ATXN1: variants seen among roughly 807,000 people sequenced by gnomAD.
ATXN1 encodes ataxin-1.
ATXN1 carries 8 observed loss-of-function variants against 56.4 expected under a neutral mutation model. The observed-to-expected ratio is 0.14, with a 90% CI of 0.08 to 0.26. ATXN1 has a LOEUF of 0.26. Ranked by LOEUF, ATXN1 falls within the 10% of genes least tolerant of loss-of-function variation. The probability of loss-of-function intolerance (pLI) is 1.00; values close to 1 mark genes in which losing one functional copy is unlikely to be tolerated. For synonymous variants in ATXN1, 514 were observed against 494.6 expected, an observed-to-expected ratio of 1.04 and a Z score of -0.52; for missense variants, 987 against 1,106.5, an observed-to-expected ratio of 0.89 and a Z score of 1.53.
chr6:16,503,921 A>G (rs1760931687), intron 5 of ATXN1, among the ~76,000 whole-genome samples: 1 of 152,184 alleles, frequency 6.6e-6, no homozygotes, highest in Admixed American at 6.5e-5. Context: ...CACAACCATT[A>G]CCACCATCCA....
chr6:16,466,928 G>A (rs559788169), intron 6 of ATXN1, among the ~76,000 whole-genome samples: 2 of 152,156 alleles, frequency 1.3e-5, no homozygotes, highest in East Asian at 1.9e-4. Flanking sequence ...TTCCAATAAC[G>A]TCTTCCTCGC....
intron 6 of ATXN1, among the ~76,000 whole-genome samples, chr6:16,428,691 T>G (rs1283455208): frequency 1.3e-5 from 2 of 152,084 alleles, no homozygotes; most frequent in African/African-American, 4.8e-5. Context: ...AGAGGGAGAT[T>G]TGAACCCAGG....
chr6:16,687,657 T>TACACACACACACACACACAC (rs57034032), intron 2 of ATXN1, among the ~76,000 whole-genome samples: 153 of 143,386 alleles, frequency 1.1e-3, no homozygotes, highest in African/African-American at 3.1e-3. Context: ...AAAGAAGAAA[T>TACACACACACACACACACAC]ACACACACAC....
At chr6:16,335,337 G>A (rs1170156628) in intron 6 of ATXN1, among the ~76,000 whole-genome samples, 19 of 152,238 alleles carry the variant, frequency 1.2e-4, no homozygotes, top group Non-Finnish European at 2.9e-5. Flanking sequence ...GAAACCACCA[G>A]AGAGGCGAGC....
At chr6:16,322,466 T>C (rs1760677645) in intron 7 of ATXN1, among the ~76,000 whole-genome samples, 1 of 152,194 alleles carries the variant, frequency 6.6e-6, no homozygotes, top group African/African-American at 2.4e-5. Context: ...GATTTCTGCC[T>C]AGAGTCACAA....
chr6:16,467,307 T>G (rs544614771), intron 6 of ATXN1, among the ~76,000 whole-genome samples: 20 of 152,366 alleles, frequency 1.3e-4, no homozygotes, highest in African/African-American at 4.8e-4. Flanking sequence ...ATGCAAATTA[T>G]GTATGAAGAG....
intron 3 of ATXN1, among the ~76,000 whole-genome samples, chr6:16,626,439 G>T (rs750598590): frequency 6.6e-6 from 1 of 151,952 alleles, no homozygotes; most frequent in African/African-American, 2.4e-5. Flanking sequence ...TTACAGGCAC[G>T]CACCACCATG....
chr6:16,348,151 C>G (rs1393343426), intron 6 of ATXN1, among the ~76,000 whole-genome samples: 3 of 152,190 alleles, frequency 2.0e-5, no homozygotes, highest in Non-Finnish European at 4.4e-5. Context: ...TTTACTGTAG[C>G]CTCGACCTCC....
intron 5 of ATXN1, among the ~76,000 whole-genome samples, chr6:16,501,357 G>A (rs899592044): frequency 6.6e-6 from 1 of 152,108 alleles, no homozygotes; most frequent in African/African-American, 2.4e-5. Context: ...TGCAGAACAT[G>A]CAGGTTTGTT....
chr6:16,649,136 A>G (rs1763852143), intron 3 of ATXN1, among the ~76,000 whole-genome samples: 1 of 152,104 alleles, frequency 6.6e-6, no homozygotes, highest in Non-Finnish European at 1.5e-5. Context: ...GGTGTTTTTG[A>G]CATGTAATAT....
chr6:16,515,332 A>C (rs2113688582), intron 5 of ATXN1, among the ~76,000 whole-genome samples: 1 of 152,122 alleles, frequency 6.6e-6, no homozygotes, highest in Non-Finnish European at 1.5e-5. Flanking sequence ...ACTTGTTGAA[A>C]AATCTCCAGT....
intron 6 of ATXN1, among the ~76,000 whole-genome samples, chr6:16,348,227 C>T (rs561354947): frequency 3.9e-5 from 6 of 152,146 alleles, no homozygotes; most frequent in African/African-American, 1.4e-4. Flanking sequence ...CCACATCTAG[C>T]TACATTTTAA....
At chr6:16,517,917 G>A (rs1262291385) in intron 5 of ATXN1, among the ~76,000 whole-genome samples, 1 of 152,220 alleles carries the variant, frequency 6.6e-6, no homozygotes, top group Admixed American at 6.5e-5. Context: ...TAAAGAGTGT[G>A]AGCAGAGGCA....
intron 6 of ATXN1, among the ~76,000 whole-genome samples, chr6:16,477,765 C>G (rs956858966): frequency 1.3e-5 from 2 of 152,238 alleles, no homozygotes; most frequent in Non-Finnish European, 1.5e-5. Context: ...GCAGTCCCCA[C>G]ATTCTGCCTG....
At chr6:16,318,988 G>A (rs905155274) in intron 7 of ATXN1, among the ~76,000 whole-genome samples, 8 of 152,096 alleles carry the variant, frequency 5.3e-5, no homozygotes, top group South Asian at 2.1e-4. Flanking sequence ...GGCCTGAGGC[G>A]GGAGGATCAC....
chr6:16,312,447 T>A (rs1433736018), intron 7 of ATXN1, among the ~76,000 whole-genome samples: 2 of 151,850 alleles, frequency 1.3e-5, no homozygotes, highest in African/African-American at 4.8e-5. Context: ...TAGGCTAGGA[T>A]AATTTTATGG....
At chr6:16,369,066 T>C (rs1761985472) in intron 6 of ATXN1, among the ~76,000 whole-genome samples, 1 of 152,180 alleles carries the variant, frequency 6.6e-6, no homozygotes, top group Non-Finnish European at 1.5e-5. Context: ...ACCAATAAAT[T>C]AACCGCCTCT....
intron 3 of ATXN1, among the ~76,000 whole-genome samples, chr6:16,621,975 T>C (rs916659001): frequency 6.6e-6 from 1 of 152,100 alleles, no homozygotes; most frequent in Non-Finnish European, 1.5e-5. Context: ...ATCTGTAGAA[T>C]AGTAACAGCA....
chr6:16,592,735 G>C (rs1762744901), intron 3 of ATXN1, among the ~76,000 whole-genome samples: 1 of 152,000 alleles, frequency 6.6e-6, no homozygotes, highest in Non-Finnish European at 1.5e-5. Context: ...CCTTTGCGGT[G>C]ACTGTTACAG....
Sources: gnomAD v4.1 joint callset for allele counts (sites outside exome capture counted in the v4.1 genomes callset) on GRCh38, gnomAD v4.1.1 for gene constraint, MANE v1.5 for transcripts, NCBI Gene and HGNC (gene_info 2026-07-23, HGNC 2026-07-21) for gene names.